Variants in EMCN observed in about 807,000 individuals in gnomAD.
The protein encoded by EMCN is endomucin.
In EMCN, 37 loss-of-function variants were observed where a neutral mutation model predicts 38.4. That is an observed-to-expected ratio of 0.96 (90% CI 0.74 to 1.27). The LOEUF (loss-of-function observed/expected upper bound fraction) is 1.27, where lower values mean the gene tolerates loss of function less well. EMCN is among the 50% of genes most tolerant of loss of function. The pLI is 0.00. For synonymous variants in EMCN, 95 were observed against 100.8 expected (o/e 0.94, Z 0.35); for missense variants, 318 against 302.8 (o/e 1.05, Z -0.37).
intron 1 of EMCN, among the ~76,000 whole-genome samples, chr4:100,491,361 T>C (rs1250610681): frequency 1.3e-5 from 2 of 152,212 alleles, no homozygotes; most frequent in Non-Finnish European, 2.9e-5. Flanking sequence ...GCTCTCTGCA[T>C]GGCCTCAAAG....
chr4:100,412,648 C>T (rs1213814643), intron 10 of EMCN, among the ~76,000 whole-genome samples: 4 of 152,102 alleles, frequency 2.6e-5, no homozygotes, highest in Non-Finnish European at 5.9e-5. Flanking sequence ...TGAGAAGTAG[C>T]TTATATGTTC....
At chr4:100,403,739 C>T (rs1235911387) in intron 11 of EMCN, among the ~76,000 whole-genome samples, 1 of 151,844 alleles carries the variant, frequency 6.6e-6, no homozygotes, top group Admixed American at 6.6e-5. Flanking sequence ...GCATCTGTGA[C>T]TTCTTGACTT....
intron 1 of EMCN, among the ~76,000 whole-genome samples, chr4:100,514,135 G>A (rs998855297): frequency 1.2e-4 from 18 of 151,992 alleles, no homozygotes; most frequent in Non-Finnish European, 2.1e-4. Context: ...GGGGCATACC[G>A]ACTACGCATC....
chr4:100,420,853 G>T (rs907153379), intron 8 of EMCN, among the ~76,000 whole-genome samples: 1 of 151,958 alleles, frequency 6.6e-6, no homozygotes, highest in African/African-American at 2.4e-5. Flanking sequence ...CGTTGGGTGT[G>T]TCTCCCAGGA....
chr4:100,480,556 A>G (rs1237552359), intron 1 of EMCN, among the ~76,000 whole-genome samples: 3 of 149,070 alleles, frequency 2.0e-5, no homozygotes, highest in African/African-American at 7.3e-5. Context: ...ATATATACAT[A>G]TACATATATG....
At chr4:100,431,810 T>C (rs1727211225) in intron 5 of EMCN, among the ~76,000 whole-genome samples, 1 of 151,988 alleles carries the variant, frequency 6.6e-6, no homozygotes, top group Non-Finnish European at 1.5e-5. Context: ...TCTCTCTCTC[T>C]CTCTCTGTCT....
intron 5 of EMCN, among the ~76,000 whole-genome samples, chr4:100,427,200 A>G (rs1204072513): frequency 6.6e-6 from 1 of 152,036 alleles, no homozygotes; most frequent in Non-Finnish European, 1.5e-5. Context: ...AATAGAGCAG[A>G]CTATTGATAT....
chr4:100,421,817 T>C (rs1726897274), intron 7 of EMCN, among the ~76,000 whole-genome samples: 1 of 152,078 alleles, frequency 6.6e-6, no homozygotes, highest in African/African-American at 2.4e-5. Flanking sequence ...CAAATTTCTT[T>C]CTATAATAAT....
intron 4 of EMCN, among the ~76,000 whole-genome samples, chr4:100,457,699 G>C (rs1367433930): frequency 6.6e-6 from 1 of 152,112 alleles, no homozygotes; most frequent in Non-Finnish European, 1.5e-5. Flanking sequence ...AATTTGGCTT[G>C]CTAATATTTT....
intron 1 of EMCN, among the ~76,000 whole-genome samples, chr4:100,481,086 T>C (rs1728793352): frequency 6.6e-6 from 1 of 152,138 alleles, no homozygotes; most frequent in Non-Finnish European, 1.5e-5. Flanking sequence ...TATTCACGTC[T>C]ATGGAAAGCA....
chr4:100,398,078 A>G lies in EMCN; in HGVS notation c.*335T>C, dbSNP rs931874811. The G allele has an allele frequency of 1.3e-5, 2 of 152,042 alleles. No homozygotes were observed. The highest frequency in any genetic ancestry group is 2.9e-5 in the Non-Finnish European group (2 of 68,026). The allele number at this position is 152,042 out of a possible 1,614,324, so 9.4% of individuals were successfully genotyped here. On this transcript the variant is annotated 3_prime_UTR_variant, in exon 12 of 12. Coordinates refer to ENST00000296420, the MANE Select transcript of EMCN (RefSeq NM_016242.4). ...AAAACTTTAAACATTAAGGAAAGTCATGCCTATCAGCGAGCCCACCTCCTG... is the reference window on the plus strand; with the variant it reads ...AAAACTTTAAACATTAAGGAAAGTCGTGCCTATCAGCGAGCCCACCTCCTG...
At chr4:100,449,060 G>A (rs1727765999) in intron 4 of EMCN, among the ~76,000 whole-genome samples, 1 of 151,936 alleles carries the variant, frequency 6.6e-6, no homozygotes, top group South Asian at 2.1e-4. Context: ...ATAACTCCAT[G>A]GGGGCAGATT....
intron 5 of EMCN, 87 bp from the exon 6 acceptor site, chr4:100,423,491 C>G (rs1346612372): frequency 1.1e-6 from 1 of 895,136 alleles, no homozygotes; most frequent in Non-Finnish European, 1.9e-6. Flanking sequence ...GTTTGCTTTT[C>G]TGAAGATCTG....
At chr4:100,482,129 A>G (rs1469227369) in intron 1 of EMCN, among the ~76,000 whole-genome samples, 4 of 152,198 alleles carry the variant, frequency 2.6e-5, no homozygotes, top group Non-Finnish European at 5.9e-5. Flanking sequence ...TATGGGTTGT[A>G]TAAACCAGTG....
At chr4:100,510,719 G>T (rs935724629) in intron 1 of EMCN, among the ~76,000 whole-genome samples, 5 of 152,152 alleles carry the variant, frequency 3.3e-5, no homozygotes, top group Non-Finnish European at 5.9e-5. Flanking sequence ...TGAGTAACTT[G>T]TCCAAGTTTA....
intron 5 of EMCN, among the ~76,000 whole-genome samples, chr4:100,428,468 A>C (rs2110224733): frequency 6.6e-6 from 1 of 152,162 alleles, no homozygotes; most frequent in African/African-American, 2.4e-5. Flanking sequence ...ATGCCTTTTA[A>C]CTTACTATAT....
intron 3 of EMCN, among the ~76,000 whole-genome samples, chr4:100,472,660 G>T (rs1728508163): frequency 6.6e-6 from 1 of 151,974 alleles, no homozygotes; most frequent in South Asian, 2.1e-4. Flanking sequence ...TGATAAAGTT[G>T]AATAGCCAAA....
intron 1 of EMCN, among the ~76,000 whole-genome samples, chr4:100,513,653 T>C (rs1560648619): frequency 6.6e-6 from 1 of 152,160 alleles, no homozygotes; most frequent in Non-Finnish European, 1.5e-5. Context: ...TCCCTTATAT[T>C]TGGTGCTCAC....
At chr4:100,427,908 T>G (rs1727095294) in intron 5 of EMCN, among the ~76,000 whole-genome samples, 1 of 152,184 alleles carries the variant, frequency 6.6e-6, no homozygotes, top group Non-Finnish European at 1.5e-5. Flanking sequence ...GACCTATTTT[T>G]GGCTCATCTC....
Sources: allele counts gnomAD v4.1 joint callset (sites outside exome capture counted in the v4.1 genomes callset), GRCh38; gene constraint gnomAD v4.1.1; transcripts MANE v1.5; gene names NCBI Gene and HGNC (gene_info 2026-07-23, HGNC 2026-07-21).